Variants in VWDE observed in about 807,000 individuals in gnomAD.
The protein encoded by VWDE is von Willebrand factor D and EGF domains.
VWDE carries 207 observed loss-of-function variants against 178.4 expected under a neutral mutation model. The ratio of observed to expected loss-of-function variants is 1.16; its 90% confidence interval spans 1.04 to 1.30. The LOEUF (loss-of-function observed/expected upper bound fraction) is 1.30. VWDE is among the 50% of genes most tolerant of loss of function. The pLI is 0.00. For missense variants in VWDE, 2,287 were observed against 1,901.3 expected, an observed-to-expected ratio of 1.20 and a Z score of -3.77; for synonymous variants, 738 against 651.4, an observed-to-expected ratio of 1.13 and a Z score of -2.02.
intron 4 of VWDE, among the ~76,000 whole-genome samples, chr7:12,381,720 A>G (rs958747053): frequency 5.3e-5 from 8 of 151,944 alleles, no homozygotes; most frequent in African/African-American, 1.9e-4. Flanking sequence ...GAAATAATAA[A>G]CTACTTTTGA....
At chr7:12,335,526 G>C (rs910028991) in intron 27 of VWDE, among the ~76,000 whole-genome samples, 1 of 151,806 alleles carries the variant, frequency 6.6e-6, no homozygotes, top group Admixed American at 6.6e-5. Flanking sequence ...CGCGATCTCT[G>C]CTCACTGCAA....
In VWDE at chr7:12,332,023, C is replaced by A. The variant is rs189346319; in HGVS notation, c.4759-826G>T. On this transcript the variant is annotated intron_variant, in intron 28 of 28. Transcript: ENST00000275358. ...TGAGGAAGAGCCAGGAGGTAGTTAG[C>A]CAGTCTGAACCCTCCTTTGGGGAAG... 5.3e-5 allele frequency among the ~76,000 whole-genome samples: 8 copies of A among 152,102 alleles called. No individual in the cohort carries two copies. The East Asian group carries it at 1.5e-3, about 29-fold the overall frequency.
At chr7:12,331,293 C>A (rs529454434) in intron 28 of VWDE, 96 bp from the exon 29 acceptor site, 2 of 1,011,090 alleles carry the variant, frequency 2.0e-6, no homozygotes, top group Non-Finnish European at 2.9e-6. Flanking sequence ...TGACATGATA[C>A]GTAAAGCTCT....
At chr7:12,347,999 G>T (rs1759583718) in intron 19 of VWDE, among the ~76,000 whole-genome samples, 2 of 152,110 alleles carry the variant, frequency 1.3e-5, no homozygotes, top group South Asian at 4.1e-4. Context: ...AATAAATGGT[G>T]CTGGGAAAAC....
intron 3 of VWDE, among the ~76,000 whole-genome samples, chr7:12,385,962 G>C (rs1047999638): frequency 6.6e-6 from 1 of 151,998 alleles, no homozygotes; most frequent in Non-Finnish European, 1.5e-5. Flanking sequence ...TGGAAGGGAT[G>C]TCATAAAATG....
At chr7:12,348,040 G>C (rs1203191620) in intron 19 of VWDE, among the ~76,000 whole-genome samples, 4 of 152,124 alleles carry the variant, frequency 2.6e-5, no homozygotes, top group Non-Finnish European at 4.4e-5. Context: ...GCTGAAACTG[G>C]ATCCCTTCCT....
chr7:12,364,910 T>G (rs1396237490), intron 13 of VWDE, among the ~76,000 whole-genome samples: 7 of 152,074 alleles, frequency 4.6e-5, no homozygotes, highest in African/African-American at 1.7e-4. Flanking sequence ...AAAATTTACA[T>G]TGCCCGTGAT....
intron 16 of VWDE, 113 bp from the exon 17 acceptor site, chr7:12,357,628 G>T: frequency 8.2e-7 from 1 of 1,218,252 alleles, no homozygotes; most frequent in Non-Finnish European, 1.1e-6. Flanking sequence ...TCTGCTAAAA[G>T]GTCTATTAGC....
chr7:12,340,151 T>C lies in VWDE; in HGVS notation c.4366+171A>G, dbSNP rs1781246983. 6.6e-6 allele frequency among the ~76,000 whole-genome samples: 1 copy of C among 152,142 alleles called. No homozygotes were observed. Among genetic ancestry groups the C allele is most frequent in the Non-Finnish European group, 1.5e-5 (1 of 68,006 alleles). On this transcript the variant is annotated intron_variant, in intron 24 of 28. Coordinates refer to ENST00000275358, the MANE Select transcript of VWDE (RefSeq NM_001135924.3). ...AAATATAACCGTTTTACATAATAAC[T>C]TTGATATATTTTTGTAAGCTAGTAA...
chr7:12,361,565 G>T (rs2128553392), intron 13 of VWDE, 44 bp from the exon 14 acceptor site: 1 of 1,449,886 alleles, frequency 6.9e-7, no homozygotes, highest in East Asian at 2.6e-5. Context: ...TTAAATTATG[G>T]AAATATTTTG....
chr7:12,357,847 C>T (rs987057119), intron 16 of VWDE, among the ~76,000 whole-genome samples: 2 of 149,938 alleles, frequency 1.3e-5, no homozygotes, highest in Non-Finnish European at 3.0e-5. Flanking sequence ...TGCCTCACTA[C>T]TCTCTCTCTC....
intron 28 of VWDE, among the ~76,000 whole-genome samples, chr7:12,332,178 AAAGC>A (rs979660353): frequency 1.3e-4 from 11 of 87,840 alleles, no homozygotes; most frequent in African/African-American, 8.0e-4. Flanking sequence ...AGAAATATCG[AAAGC>A]AAGTAAAGAA....
intron 21 of VWDE, among the ~76,000 whole-genome samples, chr7:12,343,514 T>C (rs78124970): frequency 0.019 from 2,840 of 152,302 alleles, 83 homozygotes; most frequent in African/African-American, 0.064. Flanking sequence ...TCATATGCTA[T>C]TTTTATTGAA....
chr7:12,348,023 G>A (rs1204512845), intron 19 of VWDE, among the ~76,000 whole-genome samples: 2 of 152,186 alleles, frequency 1.3e-5, no homozygotes, highest in African/African-American at 2.4e-5. Context: ...CTAGCCATAT[G>A]TGGAAAGCTG....
At chr7:12,371,087 T>C (rs1440311183) in intron 10 of VWDE, among the ~76,000 whole-genome samples, 4 of 152,154 alleles carry the variant, frequency 2.6e-5, no homozygotes, top group Admixed American at 6.6e-5. Context: ...TACTGATCTT[T>C]TTATTGAAAT....
At chr7:12,345,245 G>C (rs1363625665) in intron 19 of VWDE, among the ~76,000 whole-genome samples, 1 of 151,984 alleles carries the variant, frequency 6.6e-6, no homozygotes, top group African/African-American at 2.4e-5. Context: ...TGAGAATACA[G>C]TATAAATGAT....
rs143026738 is a variant in VWDE, at chr7:12,400,458, A to G, written c.58+3201T>C. Reference sequence around the variant, plus strand: ...AATAATTATAGATAACTTAGATGAGATTGACAAATTTCTAAAAAGACAGGA... The same window carrying G: ...AATAATTATAGATAACTTAGATGAGGTTGACAAATTTCTAAAAAGACAGGA... On this transcript the variant is annotated intron_variant, in intron 1 of 28. Coordinates refer to ENST00000275358, the MANE Select transcript of VWDE (RefSeq NM_001135924.3). 6.4e-3 allele frequency among the ~76,000 whole-genome samples: 974 copies of G among 152,264 alleles called. 12 individuals carry two copies. Among genetic ancestry groups the G allele is most frequent in the African/African-American group, 0.022 (900 of 41,578 alleles).
intron 18 of VWDE, among the ~76,000 whole-genome samples, chr7:12,355,415 C>A (rs371664305): frequency 2.6e-3 from 356 of 139,518 alleles, no homozygotes; most frequent in Admixed American, 2.6e-3. Context: ...AACTCCGTCT[C>A]AAAAAAAAAA....
rs2128555389 is a variant in VWDE at position 12,369,781 on chromosome 7, A to G, written c.2525T>C (p.Val842Ala). ...CCAACTAAGATCATCTTTTAACAGA[A>G]CATCCTTCACACACATCTCTATAAC... is the stretch of plus-strand genomic sequence containing the variant. ...DSVIEMCVKDVLLKDDLSWAE... is the reference protein window; with the variant it reads ...DSVIEMCVKDALLKDDLSWAE... The change falls in exon 12 of 29, where the codon GTT (valine) becomes GCT (alanine). Residue 842 changes from valine to alanine, a missense_variant. Transcript: ENST00000275358. 1 of 1,551,580 alleles carries G rather than the reference A, an allele frequency of 6.4e-7. No homozygotes were observed. The highest frequency in any genetic ancestry group is 1.2e-5 in the South Asian group (1 of 84,062).
Sources: gnomAD v4.1 joint callset for allele counts (sites outside exome capture counted in the v4.1 genomes callset) on GRCh38, gnomAD v4.1.1 for gene constraint, MANE v1.5 for transcripts, NCBI Gene and HGNC (gene_info 2026-07-23, HGNC 2026-07-21) for gene names.